RBFOX1: variants seen among roughly 807,000 people sequenced by gnomAD.
RBFOX1 encodes RNA binding protein fox-1 homolog 1.
RBFOX1 carries 8 observed loss-of-function variants against 57.7 expected under a neutral mutation model. That is an observed-to-expected ratio of 0.14 (90% CI 0.08 to 0.25). The LOEUF is 0.25. RBFOX1 is among the 10% of genes least tolerant of loss of function. The pLI, the probability that RBFOX1 is intolerant of heterozygous loss-of-function variation, is 1.00. For synonymous variants in RBFOX1, 326 were observed against 222.4 expected (o/e 1.47, Z -4.15); for missense variants, 611 against 548.5 (o/e 1.11, Z -1.14).
intron 4 of RBFOX1, among the ~76,000 whole-genome samples, chr16:7,189,625 A>C (rs1291957793): frequency 6.6e-6 from 1 of 151,514 alleles, no homozygotes; most frequent in African/African-American, 2.4e-5. Flanking sequence ...CACTCTATGC[A>C]GCATAATTAT....
At chr16:5,341,853 G>C (rs1596580140) in intron 1 of RBFOX1, among the ~76,000 whole-genome samples, 1 of 152,198 alleles carries the variant, frequency 6.6e-6, no homozygotes, top group Admixed American at 6.5e-5. Flanking sequence ...GGGCGAGTTA[G>C]GCATCCCAGC....
chr16:6,844,078 C>G (rs193187649), intron 3 of RBFOX1, among the ~76,000 whole-genome samples: 5 of 152,050 alleles, frequency 3.3e-5, no homozygotes, highest in Non-Finnish European at 7.4e-5. Flanking sequence ...TCCCCACCCC[C>G]AAATCCCTCT....
rs2051189028 is a variant in RBFOX1 at position 5,704,972 on chromosome 16, C to T, written c.318+106011C>T. On this transcript the variant is annotated intron_variant, in intron 3 of 19. Coordinates refer to the RBFOX1 transcript ENST00000641259. ...GGCAGTGGGAAAACCTGCTCATCTC[C>T]AAGGGCACATGTGTAGATCATCTCT... Among the ~76,000 whole-genome samples the T allele has an allele frequency of 5.9e-5, 9 of 152,142 alleles. No individual in the cohort carries two copies. The South Asian group carries it at 1.9e-3, about 32-fold the overall frequency.
chr16:5,462,430 A>G (rs1157920259), intron 1 of RBFOX1, among the ~76,000 whole-genome samples: 1 of 151,960 alleles, frequency 6.6e-6, no homozygotes, highest in Admixed American at 6.6e-5. Context: ...GGCCTCCCAA[A>G]GTGCTGGGAT....
chr16:7,128,093 A>G (rs1364493125), intron 4 of RBFOX1, among the ~76,000 whole-genome samples: 4 of 152,228 alleles, frequency 2.6e-5, no homozygotes, highest in Non-Finnish European at 5.9e-5. Context: ...GTGATGCAGC[A>G]GCTCCAGGCT....
At chr16:5,680,233 A>G (rs7184675) in intron 3 of RBFOX1, among the ~76,000 whole-genome samples, 34,026 of 152,134 alleles carry the variant, frequency 0.22, 4,370 homozygotes, top group East Asian at 0.57. Flanking sequence ...ATTTGGGTGC[A>G]GTGTGGCTTA....
intron 4 of RBFOX1, among the ~76,000 whole-genome samples, chr16:5,925,425 T>C (rs117284958): frequency 0.043 from 6,541 of 152,218 alleles, 202 homozygotes; most frequent in Non-Finnish European, 0.061. Context: ...TACTCCATGA[T>C]TGCATTTATA....
intron 1 of RBFOX1, among the ~76,000 whole-genome samples, chr16:5,443,660 C>G (rs770447826): frequency 6.6e-6 from 1 of 152,162 alleles, no homozygotes; most frequent in Non-Finnish European, 1.5e-5. Flanking sequence ...CTTAACCACT[C>G]TAATTTTTAT....
intron 14 of RBFOX1, among the ~76,000 whole-genome samples, chr16:7,688,258 T>A (rs58462742): frequency 0.45 from 57,363 of 126,650 alleles, 12,166 homozygotes; most frequent in East Asian, 0.62. Flanking sequence ...TGTGTGTGTG[T>A]GTGAGAGAGA....
intron 4 of RBFOX1, among the ~76,000 whole-genome samples, chr16:7,307,828 G>C (rs2096226590): frequency 1.3e-5 from 2 of 152,178 alleles, no homozygotes; most frequent in African/African-American, 4.8e-5. Context: ...AGTAGTCCTT[G>C]GAGCAACTGG....
chr16:7,177,163 G>A (rs987018153), intron 4 of RBFOX1, among the ~76,000 whole-genome samples: 1 of 152,160 alleles, frequency 6.6e-6, no homozygotes, highest in African/African-American at 2.4e-5. Flanking sequence ...ATGCATTTTT[G>A]TCCAGGAGTA....
chr16:5,267,306 TC>T (rs68082379), intron 1 of RBFOX1, among the ~76,000 whole-genome samples: 98,740 of 145,386 alleles, frequency 0.68, 33,460 homozygotes, highest in African/African-American at 0.8. Context: ...GGTTTTTTTT[TC>T]TTTTTCTTTT....
chr16:7,252,021 G>A (rs970112603), intron 4 of RBFOX1, among the ~76,000 whole-genome samples: 4 of 152,160 alleles, frequency 2.6e-5, no homozygotes, highest in Non-Finnish European at 5.9e-5. Context: ...ACAGTATTTG[G>A]GTGGTGAGAC....
intron 4 of RBFOX1, among the ~76,000 whole-genome samples, chr16:7,094,776 G>GTGTGTGTGTGT (rs1567232654): frequency 1.5e-5 from 2 of 133,716 alleles, no homozygotes; most frequent in East Asian, 2.0e-4. Flanking sequence ...GTGTGTGTGT[G>GTGTGTGTGTGT]GGTGTGTGTG....
At chr16:6,784,761 G>T (rs772289627) in intron 3 of RBFOX1, among the ~76,000 whole-genome samples, 1 of 151,876 alleles carries the variant, frequency 6.6e-6, no homozygotes, top group Non-Finnish European at 1.5e-5. Context: ...CTGTGGTCGG[G>T]GGTTGTGGGG....
chr16:7,345,366 G>A (rs571417443), intron 4 of RBFOX1, among the ~76,000 whole-genome samples: 44 of 152,296 alleles, frequency 2.9e-4, no homozygotes, highest in African/African-American at 9.6e-4. Context: ...GACATGGACC[G>A]TCCGATGACC....
intron 3 of RBFOX1, among the ~76,000 whole-genome samples, chr16:6,712,864 G>A (rs995563286): frequency 3.4e-5 from 5 of 148,252 alleles, no homozygotes; most frequent in Non-Finnish European, 4.5e-5. Flanking sequence ...CCAGTGGGAG[G>A]TAATTGAATC....
At chr16:6,625,686 G>A (rs183575795) in intron 2 of RBFOX1, among the ~76,000 whole-genome samples, 1 of 149,754 alleles carries the variant, frequency 6.7e-6, no homozygotes, top group African/African-American at 2.4e-5. Context: ...TGCCTTATCA[G>A]TATCTCTTCC....
At chr16:7,030,504 T>A (rs2042510498) in intron 3 of RBFOX1, among the ~76,000 whole-genome samples, 1 of 152,192 alleles carries the variant, frequency 6.6e-6, no homozygotes, top group Admixed American at 6.5e-5. Context: ...TTCCAGTGGC[T>A]CCAGGCGTTC....
Sources: allele counts gnomAD v4.1 joint callset (sites outside exome capture counted in the v4.1 genomes callset), GRCh38; gene constraint gnomAD v4.1.1; transcripts MANE v1.5; gene names NCBI Gene and HGNC (gene_info 2026-07-23, HGNC 2026-07-21).